The following MEGF10 variants were observed in gnomAD, a reference collection of about 807,000 sequenced individuals.
The protein encoded by MEGF10 is multiple EGF like domains 10.
Under a neutral mutation model 147.5 loss-of-function variants are expected in MEGF10, and 86 were observed. The ratio of observed to expected loss-of-function variants is 0.58; its 90% CI spans 0.49 to 0.70. The LOEUF is 0.70. MEGF10 is among the 30% of genes least tolerant of loss of function. The pLI, the probability that MEGF10 is intolerant of heterozygous loss-of-function variation, is 0.00. For synonymous variants in MEGF10, 478 were observed against 525.5 expected, an observed-to-expected ratio of 0.91 and a Z score of 1.24; for missense variants, 1,329 against 1,487.3, an observed-to-expected ratio of 0.89 and a Z score of 1.75.
At position 127,309,998 on chromosome 5, in the gene MEGF10, C is replaced by CTTTCTTTCT. The variant is rs1561562066; in HGVS notation, c.-19+18944_-19+18945insTCTTTCTTT. 7.1e-3 allele frequency among the ~76,000 whole-genome samples: 94 copies of CTTTCTTTCT among 13,236 alleles called. 1 individual carries two copies. The highest frequency in any genetic ancestry group is 0.045 in the Middle Eastern group (1 of 22). 8.7% of individuals were successfully genotyped at this position (13,236 alleles called of 152,430 possible). ...CTTTCTTTCTTTCTTTCTTTCTTTC[C>CTTTCTTTCT]TTCCTTCCTTCCTTTCTTTTTTTCT... On this transcript the variant is annotated intron_variant, in intron 1 of 24. Coordinates refer to ENST00000503335, the MANE Select transcript of MEGF10 (RefSeq NM_001256545.2).
intron 2 of MEGF10, among the ~76,000 whole-genome samples, chr5:127,336,950 T>C (rs1486864022): frequency 1.3e-5 from 2 of 152,138 alleles, no homozygotes; most frequent in African/African-American, 4.8e-5. Context: ...AACAGAGATA[T>C]AATGCTGTAG....
At chr5:127,231,410 A>C in the MEGF10 span, among the ~76,000 whole-genome samples, 103 of 152,274 alleles carry the variant, frequency 6.8e-4, 2 homozygotes, top group Admixed American at 6.6e-3. Flanking sequence ...GTGATGCCGG[A>C]AACACTCTTT....
intron 23 of MEGF10, among the ~76,000 whole-genome samples, chr5:127,455,127 CAA>C (rs1288915627): frequency 6.8e-6 from 1 of 146,442 alleles, no homozygotes; most frequent in African/African-American, 2.4e-5. Context: ...ATTAATAAAA[CAA>C]AACGTAATTG....
chr5:127,386,309 A>G (rs1475551992), intron 5 of MEGF10, among the ~76,000 whole-genome samples: 2 of 152,232 alleles, frequency 1.3e-5, no homozygotes, highest in Admixed American at 6.5e-5. Context: ...CCATGGGCAT[A>G]GATAAACTGA....
chr5:127,451,906 G>A (rs1019311279), intron 22 of MEGF10, among the ~76,000 whole-genome samples: 12 of 152,152 alleles, frequency 7.9e-5, no homozygotes, highest in African/African-American at 1.2e-4. Flanking sequence ...AATAGTTGTC[G>A]TCATGGTATC....
At chr5:127,329,109 T>G (rs142147056) in intron 1 of MEGF10, among the ~76,000 whole-genome samples, 14 of 152,318 alleles carry the variant, frequency 9.2e-5, no homozygotes, top group Non-Finnish European at 1.6e-4. Flanking sequence ...ATCATCATCA[T>G]TTTTTATTCA....
At chr5:127,385,499 C>A (rs893350068) in intron 5 of MEGF10, among the ~76,000 whole-genome samples, 1 of 151,540 alleles carries the variant, frequency 6.6e-6, no homozygotes, top group Admixed American at 6.6e-5. Context: ...TCTCATACTC[C>A]TGACCTCAGG....
chr5:127,442,997 G>C lies in MEGF10; in HGVS notation c.2363-1G>C. The C allele has an allele frequency of 6.2e-7, 1 of 1,610,798 alleles. No homozygotes were observed. ...AGCTACATTTGACTTTCCTTCTCTA[G>C]AGTGCCCTTCAGGAACATATGGCTA... On this transcript the variant is annotated splice_acceptor_variant, in intron 18 of 24. Coordinates refer to ENST00000503335, the MANE Select transcript of MEGF10 (RefSeq NM_001256545.2). LOFTEE classifies it high-confidence loss of function.
chr5:127,420,104 A>G lies in MEGF10; in HGVS notation c.1487A>G (p.Asn496Ser), dbSNP rs1764937337. Residue 496 changes from asparagine to serine, a missense_variant, in exon 12 of 25, where the codon AAC becomes AGC. By Grantham distance (46) the Asn-to-Ser change is conservative. Transcript: ENST00000503335. ...CPSGTWGFGC[N>S]LTCQCLNGGA... ...AGTGGCACATGGGGCTTTGGCTGTA[A>G]CTTAACATGCCAGTGCCTCAACGGG... is the stretch of plus-strand genomic sequence containing the variant. 6.2e-7 allele frequency: 1 copy of G among 1,614,168 alleles called. No homozygotes were observed. The highest frequency in any genetic ancestry group is 8.5e-7 in the Non-Finnish European group (1 of 1,180,024).
intron 23 of MEGF10, 46 bp downstream of exon 23, chr5:127,454,656 T>C (rs1580892380): frequency 1.3e-6 from 2 of 1,537,384 alleles, no homozygotes; most frequent in East Asian, 2.3e-5. Context: ...AATTAAATTT[T>C]TTTTAACCTC....
chr5:127,403,254 A>C (rs1764197194), intron 8 of MEGF10, among the ~76,000 whole-genome samples: 1 of 151,828 alleles, frequency 6.6e-6, no homozygotes, highest in South Asian at 2.1e-4. Context: ...GTTATCTCAG[A>C]GCGCTTTGCA....
intron 5 of MEGF10, among the ~76,000 whole-genome samples, chr5:127,385,821 G>A (rs1471304003): frequency 6.6e-6 from 1 of 152,168 alleles, no homozygotes; most frequent in Non-Finnish European, 1.5e-5. Context: ...TAACAACAAC[G>A]TGGCTGTGTA....
chr5:127,359,361 G>A (rs1425449501), intron 4 of MEGF10, among the ~76,000 whole-genome samples: 1 of 148,312 alleles, frequency 6.7e-6, no homozygotes, highest in African/African-American at 2.5e-5. Flanking sequence ...TTTTTTTGTT[G>A]TTTAAACAGC....
intron 21 of MEGF10, among the ~76,000 whole-genome samples, chr5:127,448,818 G>C (rs368604429): frequency 6.9e-6 from 1 of 144,738 alleles, no homozygotes; most frequent in East Asian, 2.0e-4. Flanking sequence ...CCAAATCAAA[G>C]TTACATGTGT....
At chr5:127,339,277 A>G in intron 3 of MEGF10, 56 bp downstream of exon 3, 1 of 1,185,210 alleles carries the variant, frequency 8.4e-7, no homozygotes, top group Non-Finnish European at 1.3e-6. Context: ...AGATTCTAAT[A>G]CAGAGATATT....
At chr5:127,354,614 T>C (rs865913682) in intron 4 of MEGF10, among the ~76,000 whole-genome samples, 1 of 152,306 alleles carries the variant, frequency 6.6e-6, no homozygotes, top group South Asian at 2.1e-4. Flanking sequence ...TGTATTTGAC[T>C]GCATAGTATC....
chr5:127,331,107 A>G (rs1362930692), intron 1 of MEGF10, among the ~76,000 whole-genome samples, 184 bp from the exon 2 acceptor site: 2 of 152,178 alleles, frequency 1.3e-5, no homozygotes, highest in Non-Finnish European at 2.9e-5. Flanking sequence ...GCCACCTTGC[A>G]CAACATAAGA....
At chr5:127,404,274 A>G (rs1764242473) in intron 8 of MEGF10, among the ~76,000 whole-genome samples, 1 of 152,128 alleles carries the variant, frequency 6.6e-6, no homozygotes, top group African/African-American at 2.4e-5. Flanking sequence ...CTTTCAAGAA[A>G]TGTCTATTCA....
In MEGF10 at chr5:127,438,475, A is replaced by G. The variant is rs1765636524; in HGVS notation, c.2141A>G (p.His714Arg). The G allele has an allele frequency of 9.3e-6, 15 of 1,614,160 alleles. No individual in the cohort carries two copies. Among genetic ancestry groups the G allele is most frequent in the Non-Finnish European group, 1.3e-5 (15 of 1,180,008 alleles). ...PPAHWGPNCI[H>R]TCNCHNGAFC... ...GCCCACTGGGGCCCAAACTGCATCC[A>G]CACGTGCAACTGCCATAATGGAGCT... The change falls in exon 17 of 25, where the codon CAC becomes CGC. Residue 714 changes from histidine to arginine, a missense_variant. His to Arg is a conservative substitution (Grantham distance 29). Coordinates refer to ENST00000503335, the MANE Select transcript of MEGF10 (RefSeq NM_001256545.2).
Sources: gnomAD v4.1 joint callset for allele counts (sites outside exome capture counted in the v4.1 genomes callset) on GRCh38, gnomAD v4.1.1 for gene constraint, MANE v1.5 for transcripts, NCBI Gene and HGNC (gene_info 2026-07-23, HGNC 2026-07-21) for gene names.